The following KRABD4 variants were observed in gnomAD, a reference collection of about 807,000 sequenced individuals.
KRABD4 encodes KRAB domain containing 4.
chrX:46,459,861 T>C, the KRABD4 span, among the ~76,000 whole-genome samples: 9 of 111,983 alleles, frequency 8.0e-5, no homozygotes, highest in African/African-American at 2.9e-4. Context: ...TTCCCTCACA[T>C]ACCAAGCAGT....
At chrX:46,474,540 AAC>A in the KRABD4 span, 1 of 112,167 alleles carries the variant, frequency 8.9e-6, no homozygotes, top group Non-Finnish European at 1.9e-5. Context: ...ATGTAAGTCT[AAC>A]ACACATTTAA....
chrX:46,449,982 C>T, the KRABD4 span, among the ~76,000 whole-genome samples: 2 of 111,142 alleles, frequency 1.8e-5, no homozygotes, highest in African/African-American at 6.5e-5. Context: ...GTCTCGAACT[C>T]CTGGGCTCCA....
the KRABD4 span, chrX:46,456,128 A>C: frequency 3.6e-6 from 1 of 277,723 alleles, no homozygotes; most frequent in East Asian, 9.5e-5. Flanking sequence ...TTCAGAGTTC[A>C]GGGGGTAGTT....
chrX:46,457,101 CAAAG>C, the KRABD4 span: 5 of 381,703 alleles, frequency 1.3e-5, no homozygotes, highest in African/African-American at 2.7e-5. Context: ...TTTTTGGTGA[CAAAG>C]AACATATTTC....
the KRABD4 span, chrX:46,472,940 G>A: frequency 6.6e-6 from 8 of 1,211,366 alleles, no homozygotes; most frequent in Middle Eastern, 4.6e-4. Context: ...AATATTATTC[G>A]TGGGAAAAGG....
the KRABD4 span, among the ~76,000 whole-genome samples, chrX:46,450,705 CTTT>C: frequency 4.5e-5 from 4 of 88,415 alleles, no homozygotes; most frequent in Admixed American, 1.3e-4. Context: ...TTTTCTTTCT[CTTT>C]TTTTTTTTTT....
At chrX:46,462,786 C>T in the KRABD4 span, 1 of 1,211,660 alleles carries the variant, frequency 8.3e-7, no homozygotes, top group Non-Finnish European at 1.1e-6. Flanking sequence ...TGGACTTCAC[C>T]CTGGAGGAGT....
the KRABD4 span, among the ~76,000 whole-genome samples, chrX:46,447,966 A>C: frequency 9.0e-6 from 1 of 111,568 alleles, no homozygotes; most frequent in Non-Finnish European, 1.9e-5. Flanking sequence ...CCATTTCTTC[A>C]GTGAATAAAA....
At chrX:46,460,522 G>A in the KRABD4 span, among the ~76,000 whole-genome samples, 11 of 108,848 alleles carry the variant, frequency 1.0e-4, no homozygotes, top group Non-Finnish European at 1.7e-4. Flanking sequence ...GAAGGTCCAC[G>A]GACCTTTCAT....
At chrX:46,464,562 C>T in the KRABD4 span, among the ~76,000 whole-genome samples, 1 of 112,368 alleles carries the variant, frequency 8.9e-6, no homozygotes, top group Non-Finnish European at 1.9e-5. Context: ...CCTGTGCTGG[C>T]ATTTGTGGCT....
At chrX:46,456,585 C>A in the KRABD4 span, 1 of 275,111 alleles carries the variant, frequency 3.6e-6, no homozygotes, top group South Asian at 6.7e-5. Context: ...TCTCAAAGCT[C>A]TTATGACCAA....
chrX:46,455,358 G>C, the KRABD4 span: 1 of 487,309 alleles, frequency 2.1e-6, no homozygotes, highest in South Asian at 2.7e-5. Flanking sequence ...AAGCTTCTAA[G>C]TCCTATTCAT....
chrX:46,462,979 C>T, the KRABD4 span: 55 of 1,136,091 alleles, frequency 4.8e-5, no homozygotes, highest in African/African-American at 7.0e-4. Context: ...TGGGTTACCA[C>T]CCTCAGTGAG....
chrX:46,455,070 T>C, the KRABD4 span: 3 of 411,638 alleles, frequency 7.3e-6, no homozygotes, highest in Non-Finnish European at 1.2e-5. Context: ...TTTTACTGAA[T>C]TTTCCTGTAT....
At chrX:46,451,614 G>C in the KRABD4 span, among the ~76,000 whole-genome samples, 1 of 111,038 alleles carries the variant, frequency 9.0e-6, no homozygotes, top group Admixed American at 9.6e-5. Context: ...TTGACTAAAA[G>C]GTACTGAAAC....
chrX:46,462,045 C>T, the KRABD4 span, among the ~76,000 whole-genome samples: 100 of 112,028 alleles, frequency 8.9e-4, no homozygotes, highest in Middle Eastern at 9.2e-3. Context: ...ACAGGACTTA[C>T]CAGCCCGGCC....
chrX:46,467,823 G>T, the KRABD4 span, among the ~76,000 whole-genome samples: 1 of 111,938 alleles, frequency 8.9e-6, no homozygotes, highest in African/African-American at 3.2e-5. Context: ...ATATATTGTG[G>T]ATATAAATCC....
chrX:46,468,042 A>T, the KRABD4 span, among the ~76,000 whole-genome samples: 1 of 111,556 alleles, frequency 9.0e-6, no homozygotes, highest in South Asian at 3.8e-4. Context: ...TTCTTCCAGG[A>T]GATTCATAAT....
chrX:46,463,008 G>A, the KRABD4 span: 1 of 1,106,698 alleles, frequency 9.0e-7, no homozygotes, highest in Non-Finnish European at 1.2e-6. Context: ...ACTGCCCACT[G>A]TGTAGTATTC....
Sources: allele counts gnomAD v4.1 joint callset (sites outside exome capture counted in the v4.1 genomes callset), GRCh38; gene constraint gnomAD v4.1.1; transcripts MANE v1.5; gene names NCBI Gene and HGNC (gene_info 2026-07-23, HGNC 2026-07-21).